KIF16B: variants seen among roughly 807,000 people sequenced by gnomAD.
KIF16B encodes kinesin family member 16B.
A neutral mutation model predicts 156.3 loss-of-function variants in KIF16B; 98 were observed. That is an observed-to-expected ratio of 0.63 (90% confidence interval 0.53 to 0.74). KIF16B has a LOEUF of 0.74. Ranked by LOEUF, KIF16B falls within the 30% of genes least tolerant of loss-of-function variation. KIF16B has a pLI of 0.00. For missense variants in KIF16B, 1,421 were observed against 1,606.5 expected (o/e 0.88, Z 1.97); for synonymous variants, 564 against 583.7 (o/e 0.97, Z 0.49).
At chr20:16,517,304 T>G (rs755714186) in intron 3 of KIF16B, among the ~76,000 whole-genome samples, 37 of 152,260 alleles carry the variant, frequency 2.4e-4, no homozygotes, top group Non-Finnish European at 3.8e-4. Flanking sequence ...CATTCTGAGT[T>G]AATTCTTAAC....
In KIF16B at chr20:16,273,329, G is replaced by C. The variant is rs760801454; in HGVS notation, c.3878C>G (p.Ser1293Trp). Residue 1293 changes from serine to tryptophan, a missense_variant, in exon 26 of 26, where the codon TCG becomes TGG. By Grantham distance (177) the Ser-to-Trp change is radical (BLOSUM62 -3). Transcript: ENST00000354981. ...LHINKVGLTL[S>W]KHTICEFSPF... Reference sequence around the variant, plus strand: ...TGAAAACTCACAAATGGTATGTTTCGAGAGAGTCAGTCCCACTTTGTTGAT... The same window carrying C: ...TGAAAACTCACAAATGGTATGTTTCCAGAGAGTCAGTCCCACTTTGTTGAT... The C allele has an allele frequency of 9.9e-6, 16 of 1,613,424 alleles. No individual in the cohort carries two copies. The highest frequency in any genetic ancestry group is 3.3e-4 in the Middle Eastern group (2 of 6,084).
intron 15 of KIF16B, among the ~76,000 whole-genome samples, chr20:16,419,600 G>A (rs1226031365): frequency 1.3e-5 from 2 of 152,106 alleles, no homozygotes; most frequent in East Asian, 3.9e-4. Flanking sequence ...TTTCCCAGAT[G>A]CCAATTCTGT....
intron 18 of KIF16B, among the ~76,000 whole-genome samples, chr20:16,381,058 T>A (rs2144894): frequency 0.19 from 29,239 of 152,182 alleles, 3,426 homozygotes; most frequent in East Asian, 0.61. Flanking sequence ...CTAACTCTCA[T>A]CTTTGGTCTA....
chr20:16,352,436 T>C (rs954069535), intron 23 of KIF16B, among the ~76,000 whole-genome samples: 3 of 152,198 alleles, frequency 2.0e-5, no homozygotes, highest in African/African-American at 7.2e-5. Flanking sequence ...AATGAAAAAC[T>C]CTATTATTCT....
At chr20:16,313,396 T>G (rs1374871864) in intron 24 of KIF16B, among the ~76,000 whole-genome samples, 1 of 152,226 alleles carries the variant, frequency 6.6e-6, no homozygotes, top group Admixed American at 6.5e-5. Context: ...AATTAAAGAC[T>G]AGCATCTGTA....
At chr20:16,388,730 C>T (rs995861405) in intron 17 of KIF16B, among the ~76,000 whole-genome samples, 9 of 150,066 alleles carry the variant, frequency 6.0e-5, no homozygotes, top group East Asian at 5.8e-4. Context: ...CTGTTATCAT[C>T]GGCAATAAAA....
chr20:16,460,641 G>T (rs924703269), intron 12 of KIF16B, among the ~76,000 whole-genome samples: 5 of 151,994 alleles, frequency 3.3e-5, no homozygotes, highest in African/African-American at 1.2e-4. Context: ...TCATTTCAGG[G>T]ATGACACCTC....
chr20:16,566,073 G>C (rs781408043), intron 1 of KIF16B, among the ~76,000 whole-genome samples: 1 of 152,162 alleles, frequency 6.6e-6, no homozygotes, highest in African/African-American at 2.4e-5. Context: ...TGATTTCTTC[G>C]GTATATTTTT....
At chr20:16,511,812 T>C (rs6044041) in intron 5 of KIF16B, among the ~76,000 whole-genome samples, 36,200 of 152,090 alleles carry the variant, frequency 0.24, 4,929 homozygotes, top group East Asian at 0.36. Context: ...CTGGTTTCAT[T>C]ATATGTTGTT....
intron 25 of KIF16B, among the ~76,000 whole-genome samples, chr20:16,294,652 A>G (rs1243835305): frequency 6.6e-6 from 1 of 151,750 alleles, no homozygotes; most frequent in Non-Finnish European, 1.5e-5. Flanking sequence ...TTGGCTTCAG[A>G]AAAGGGTGAG....
rs138919552 is a variant in KIF16B at position 16,552,337 on chromosome 20, C to T, written c.47+20892G>A. 4.2e-3 allele frequency among the ~76,000 whole-genome samples: 639 copies of T among 152,328 alleles called. 8 individuals are homozygous for T. Among genetic ancestry groups the T allele is most frequent in the African/African-American group, 0.015 (604 of 41,574 alleles). ...TAAACAAGTGGATAAAATCATATCACGCTGAAGCCAGAGAACTCAAACTGC... is the reference window on the plus strand; with the variant it reads ...TAAACAAGTGGATAAAATCATATCATGCTGAAGCCAGAGAACTCAAACTGC... On this transcript the variant is annotated intron_variant, in intron 1 of 25. Transcript: ENST00000354981.
At position 16,404,920 on chromosome 20, in the gene KIF16B, C is replaced by T; in HGVS notation, c.1696-19G>A. 6.3e-7 allele frequency: 1 copy of T among 1,591,406 alleles called. No individual in the cohort carries two copies. The highest frequency in any genetic ancestry group is 1.1e-5 in the South Asian group (1 of 90,278). On this transcript the variant is annotated intron_variant, in intron 16 of 25. Transcript: ENST00000354981. ...GGCCACTCTAAGGGCAGACACAGGG[C>T]AGAGTGGTTACCTTAGCAGAGAAGA... is the stretch of plus-strand genomic sequence containing the variant.
At chr20:16,277,252 T>G (rs2063076492) in intron 25 of KIF16B, among the ~76,000 whole-genome samples, 1 of 152,188 alleles carries the variant, frequency 6.6e-6, no homozygotes, top group African/African-American at 2.4e-5. Context: ...AACCACCGAT[T>G]GGCTTTAACA....
chr20:16,427,061 C>T (rs376890810), intron 15 of KIF16B, 43 bp downstream of exon 15: 43 of 1,494,544 alleles, frequency 2.9e-5, no homozygotes, highest in Non-Finnish European at 3.8e-5. Context: ...CTTGTTTTCT[C>T]AAACAATATA....
chr20:16,492,820 CT>C (rs1005217126), intron 12 of KIF16B, among the ~76,000 whole-genome samples: 6 of 151,478 alleles, frequency 4.0e-5, no homozygotes, highest in East Asian at 3.9e-4. Context: ...GGTTTGATTT[CT>C]TTTTTTTTCC....
chr20:16,429,096 C>T (rs1568971634), intron 13 of KIF16B, 92 bp from the exon 14 acceptor site: 1 of 1,045,352 alleles, frequency 9.6e-7, no homozygotes, highest in East Asian at 2.4e-5. Context: ...AACATAGTGG[C>T]CAATGGGATG....
At chr20:16,460,543 C>T (rs1025378618) in intron 12 of KIF16B, among the ~76,000 whole-genome samples, 5 of 151,692 alleles carry the variant, frequency 3.3e-5, no homozygotes, top group African/African-American at 1.2e-4. Flanking sequence ...GCCTGGATGA[C>T]AGCAGGAGAC....
intron 24 of KIF16B, among the ~76,000 whole-genome samples, chr20:16,334,310 C>T (rs1377801153): frequency 6.6e-6 from 1 of 152,194 alleles, no homozygotes; most frequent in Non-Finnish European, 1.5e-5. Context: ...CTGCAAAGCT[C>T]ACTTTAAAAA....
intron 17 of KIF16B, among the ~76,000 whole-genome samples, chr20:16,403,698 A>G (rs1288031542): frequency 6.6e-6 from 1 of 152,212 alleles, no homozygotes. Flanking sequence ...GCTGGCCCAT[A>G]AAATGAGGAA....
Sources: gnomAD v4.1 joint callset for allele counts (sites outside exome capture counted in the v4.1 genomes callset) on GRCh38, gnomAD v4.1.1 for gene constraint, MANE v1.5 for transcripts, NCBI Gene and HGNC (gene_info 2026-07-23, HGNC 2026-07-21) for gene names.